L3MBTL3: variants seen among roughly 807,000 people sequenced by gnomAD.
L3MBTL3 encodes lethal(3)malignant brain tumor-like protein 3.
A neutral mutation model predicts 102.3 loss-of-function variants in L3MBTL3; 27 were observed. The ratio of observed to expected loss-of-function variants is 0.26; its 90% CI spans 0.19 to 0.36. The LOEUF is 0.36. Ranked by LOEUF, L3MBTL3 falls within the 10% of genes least tolerant of loss-of-function variation. The pLI is 1.00. For missense variants in L3MBTL3, 798 were observed against 955.3 expected, an observed-to-expected ratio of 0.84 and a Z score of 2.17; for synonymous variants, 340 against 320.9, an observed-to-expected ratio of 1.06 and a Z score of -0.64.
At chr6:130,128,979 C>T (rs1477625564) in intron 20 of L3MBTL3, among the ~76,000 whole-genome samples, 1 of 152,090 alleles carries the variant, frequency 6.6e-6, no homozygotes, top group African/African-American at 2.4e-5. Flanking sequence ...GGGGCTTTGC[C>T]AGTGAATGTT....
At chr6:130,100,746 A>C (rs942199205) in intron 18 of L3MBTL3, among the ~76,000 whole-genome samples, 3 of 152,052 alleles carry the variant, frequency 2.0e-5, no homozygotes, top group Non-Finnish European at 2.9e-5. Context: ...ATTTAGAGAG[A>C]TATTCTTTCA....
intron 3 of L3MBTL3, among the ~76,000 whole-genome samples, chr6:130,043,546 A>G (rs960856379): frequency 2.0e-5 from 3 of 152,076 alleles, no homozygotes; most frequent in Admixed American, 6.6e-5. Flanking sequence ...CTCTGATCCT[A>G]TCTCTGGAAC....
At chr6:130,101,263 G>A (rs1228344314) in intron 18 of L3MBTL3, among the ~76,000 whole-genome samples, 1 of 152,118 alleles carries the variant, frequency 6.6e-6, no homozygotes, top group Non-Finnish European at 1.5e-5. Context: ...TTTTGGGAGA[G>A]TGAATTTTTA....
rs753282379 is a variant in L3MBTL3 at position 130,086,178 on chromosome 6, G to A, written c.1446G>A (p.Glu482=). Residue 482 remains glutamate, a synonymous_variant, in exon 16 of 23, where the codon GAG becomes GAA. Coordinates refer to ENST00000361794, the MANE Select transcript of L3MBTL3 (RefSeq NM_032438.4). ...GATTCCAGAAAAAAATGAAGCTTGA[G>A]GTTGTAGACAAAAGGAACCCTATGT... ...PHGFQKKMKL[E]VVDKRNPMFI... 6.2e-7 allele frequency: 1 copy of A among 1,613,226 alleles called. No homozygotes were observed. The highest frequency in any genetic ancestry group is 8.5e-7 in the Non-Finnish European group (1 of 1,179,688).
chr6:130,081,236 T>C (rs1783320132), intron 14 of L3MBTL3, among the ~76,000 whole-genome samples: 1 of 152,242 alleles, frequency 6.6e-6, no homozygotes, highest in Admixed American at 6.5e-5. Context: ...AATATTTTAA[T>C]GGTTTGTCCT....
intron 3 of L3MBTL3, among the ~76,000 whole-genome samples, chr6:130,045,248 C>T (rs1310646620): frequency 6.6e-6 from 1 of 152,084 alleles, no homozygotes; most frequent in Non-Finnish European, 1.5e-5. Flanking sequence ...ATTTCACTCC[C>T]ACTGCCACTC....
rs1408255861 is a variant in L3MBTL3 at position 130,094,269 on chromosome 6, C to T, written c.1638C>T (p.Pro546=). The change falls in exon 18 of 23, where the codon CCC becomes CCT. Residue 546 remains proline, a synonymous_variant. Coordinates refer to ENST00000361794, the MANE Select transcript of L3MBTL3 (RefSeq NM_032438.4). ...TGHPLQPPLS[P]LELMEASEHG... Reference sequence around the variant, plus strand: ...CTTTTCTTTGCTCTTTCATAGGCCCCTTAGAATTAATGGAAGCTTCAGAAC... The same window carrying T: ...CTTTTCTTTGCTCTTTCATAGGCCCTTTAGAATTAATGGAAGCTTCAGAAC... 2 of 1,612,530 alleles carry T rather than the reference C, an allele frequency of 1.2e-6. No individual in the cohort carries two copies. The highest frequency in any genetic ancestry group is 1.7e-5 in the Admixed American group (1 of 59,896).
intron 1 of L3MBTL3, chr6:130,019,574 G>C (rs1778804371): frequency 1.3e-5 from 2 of 150,820 alleles, no homozygotes; most frequent in African/African-American, 4.8e-5. Context: ...CGTGTGCTGT[G>C]TGTGTGCGCG....
At position 130,082,230 on chromosome 6, in the gene L3MBTL3, A is replaced by T. The variant is rs78574369; in HGVS notation, c.1322-1390A>T. Among the ~76,000 whole-genome samples the T allele has an allele frequency of 4.6e-3, 699 of 152,272 alleles. 4 individuals are homozygous for T. Among genetic ancestry groups the T allele is most frequent in the African/African-American group, 0.016 (664 of 41,564 alleles). On this transcript the variant is annotated intron_variant, in intron 14 of 22. Transcript: ENST00000361794. ...CTGGAGAGATACATTTTCTGGAGAG[A>T]TACTTTGAGACTGTGTATCTTGTCC...
chr6:130,040,209 T>TC (rs1489901472), intron 2 of L3MBTL3, among the ~76,000 whole-genome samples: 1 of 150,916 alleles, frequency 6.6e-6, no homozygotes, highest in African/African-American at 2.4e-5. Flanking sequence ...GCGCCTATAA[T>TC]CCCCAGCTAC....
intron 7 of L3MBTL3, among the ~76,000 whole-genome samples, chr6:130,053,495 C>T (rs1254203852): frequency 1.3e-5 from 2 of 151,876 alleles, no homozygotes; most frequent in African/African-American, 4.8e-5. Context: ...ATTAGGTAGG[C>T]GTGGTGGCAG....
chr6:130,033,686 A>G (rs1779868377), intron 2 of L3MBTL3, among the ~76,000 whole-genome samples: 2 of 152,216 alleles, frequency 1.3e-5, no homozygotes, highest in Non-Finnish European at 2.9e-5. Flanking sequence ...TTTTAAGGTC[A>G]TGTCTACCCT....
intron 8 of L3MBTL3, among the ~76,000 whole-genome samples, chr6:130,056,016 C>G (rs1475719948): frequency 6.6e-6 from 1 of 151,850 alleles, no homozygotes; most frequent in East Asian, 2.0e-4. Flanking sequence ...CAGCCTCCAC[C>G]TCCTGGGTTC....
At chr6:130,023,143 A>G (rs568000522) in intron 2 of L3MBTL3, among the ~76,000 whole-genome samples, 1 of 152,266 alleles carries the variant, frequency 6.6e-6, no homozygotes, top group East Asian at 1.9e-4. Context: ...AGGGGTCGCT[A>G]AATCTTGTTT....
intron 6 of L3MBTL3, 124 bp from the exon 7 acceptor site, chr6:130,052,735 G>C: frequency 1.7e-6 from 2 of 1,168,896 alleles, no homozygotes; most frequent in Non-Finnish European, 2.3e-6. Context: ...GATTTCTCCT[G>C]GTAGTTAAAG....
chr6:130,057,970 C>A (rs971710173), intron 9 of L3MBTL3, among the ~76,000 whole-genome samples: 2 of 151,188 alleles, frequency 1.3e-5, no homozygotes, highest in Non-Finnish European at 2.9e-5. Flanking sequence ...GGTGAAACCC[C>A]GTCTCTACTA....
chr6:130,083,165 AAT>A (rs1318904879), intron 14 of L3MBTL3, among the ~76,000 whole-genome samples: 8 of 152,186 alleles, frequency 5.3e-5, no homozygotes, highest in Non-Finnish European at 1.2e-4. Context: ...TTCACATATT[AAT>A]ATATATAAAT....
chr6:130,074,799 G>T (rs546462202), intron 13 of L3MBTL3, among the ~76,000 whole-genome samples: 5 of 152,132 alleles, frequency 3.3e-5, no homozygotes, highest in Non-Finnish European at 1.5e-5. Context: ...ATTGTACTTT[G>T]GTGTCCCAGT....
At chr6:130,076,715 A>C (rs1166315482) in intron 13 of L3MBTL3, among the ~76,000 whole-genome samples, 1 of 152,170 alleles carries the variant, frequency 6.6e-6, no homozygotes, top group Admixed American at 6.6e-5. Context: ...ACTTTTGAAC[A>C]CTAGATGGGA....
Sources: gnomAD v4.1 joint callset for allele counts (sites outside exome capture counted in the v4.1 genomes callset) on GRCh38, gnomAD v4.1.1 for gene constraint, MANE v1.5 for transcripts, NCBI Gene and HGNC (gene_info 2026-07-23, HGNC 2026-07-21) for gene names.